Variants in SERINC3 observed in about 807,000 individuals in gnomAD.
SERINC3 encodes tumor differentially expressed protein 1.
In SERINC3, 22 loss-of-function variants were observed where a neutral mutation model predicts 52.1. The observed-to-expected ratio is 0.42, with a 90% confidence interval of 0.30 to 0.60. The LOEUF is 0.60. SERINC3 is among the 20% of genes least tolerant of loss of function. The probability of loss-of-function intolerance (pLI) is 0.16; values close to 1 mark genes in which losing one functional copy is unlikely to be tolerated. For synonymous variants in SERINC3, 226 were observed against 212.7 expected (o/e 1.06, Z -0.54); for missense variants, 564 against 584.6 (o/e 0.96, Z 0.36).
downstream of SERINC3, among the ~76,000 whole-genome samples, chr20:44,496,727 G>A (rs2064251354): frequency 6.6e-6 from 1 of 152,264 alleles, no homozygotes; most frequent in Non-Finnish European, 1.5e-5. Context: ...ATGGGAGGTG[G>A]AGGTTGCAGT....
chr20:44,521,390 G>A (rs2064415365), intron 1 of SERINC3, among the ~76,000 whole-genome samples: 2 of 152,158 alleles, frequency 1.3e-5, no homozygotes, highest in South Asian at 4.1e-4. Flanking sequence ...AAAATATTCA[G>A]GCCCTGGTTT....
At chr20:44,502,906 A>C (rs1436976255) in intron 8 of SERINC3, among the ~76,000 whole-genome samples, 1 of 152,204 alleles carries the variant, frequency 6.6e-6, no homozygotes, top group Non-Finnish European at 1.5e-5. Context: ...CACCAATCAT[A>C]TCTCTATACA....
chr20:44,517,323 C>T (rs1397871398), intron 1 of SERINC3, among the ~76,000 whole-genome samples: 1 of 151,256 alleles, frequency 6.6e-6, no homozygotes, highest in Non-Finnish European at 1.5e-5. Flanking sequence ...ATAGGCCAAA[C>T]ACTGCAGAGG....
chr20:44,499,132 C>T lies in SERINC3; in HGVS notation c.*1164G>A, dbSNP rs543599205. 4 of 152,466 alleles carry T rather than the reference C, an allele frequency of 2.6e-5. No homozygotes were observed. Among genetic ancestry groups the T allele is most frequent in the South Asian group, 2.1e-4 (1 of 4,824 alleles). The allele number at this position is 152,466 out of a possible 1,614,324, so 9.4% of individuals were successfully genotyped here. On this transcript the variant is annotated 3_prime_UTR_variant, in exon 10 of 10. Transcript: ENST00000342374. ...TTCTCTAAGCTATTAAAGTCCAAGACGGCAGAGCCTCTATCATGTTTAACA... is the reference window on the plus strand; with the variant it reads ...TTCTCTAAGCTATTAAAGTCCAAGATGGCAGAGCCTCTATCATGTTTAACA...
At chr20:44,519,431 T>TA in intron 1 of SERINC3, 8 of 971,778 alleles carry the variant, frequency 8.2e-6, no homozygotes, top group Non-Finnish European at 8.6e-6. Flanking sequence ...TGATAGAAGA[T>TA]AAAAGAAAAA....
At position 44,500,221 on chromosome 20, in the gene SERINC3, A is replaced by G; in HGVS notation, c.*75T>C. Reference sequence around the variant, plus strand: ...ATTCACTTAATATTTTAGTTGAAACAAACTTAAAAGGTATATGGGTTTTCG... The same window carrying G: ...ATTCACTTAATATTTTAGTTGAAACGAACTTAAAAGGTATATGGGTTTTCG... On this transcript the variant is annotated 3_prime_UTR_variant, in exon 10 of 10. Transcript: ENST00000342374. The G allele has an allele frequency of 1.4e-6, 2 of 1,466,876 alleles. No homozygotes were observed. The highest frequency in any genetic ancestry group is 1.8e-6 in the Non-Finnish European group (2 of 1,088,584). The allele number at this position is 1,466,876 out of a possible 1,614,324, so 90.9% of individuals were successfully genotyped here. A position where few individuals can be genotyped will look rare whatever the true frequency, so the allele number is the denominator to read the frequency against.
At position 44,499,642 on chromosome 20, in the gene SERINC3, G is replaced by A. The variant is rs558604161; in HGVS notation, c.*654C>T. 3 of 152,398 alleles carry A rather than the reference G, an allele frequency of 2.0e-5. No homozygotes were observed. The highest frequency in any genetic ancestry group is 4.4e-5 in the Non-Finnish European group (3 of 68,020). The allele number at this position is 152,398 out of a possible 1,614,324, so 9.4% of individuals were successfully genotyped here. ...TTAACCAAACTCACAAAGCATTTAT[G>A]GAAATTAATACATCTGGCAAAGCAC... On this transcript the variant is annotated 3_prime_UTR_variant, in exon 10 of 10. Coordinates refer to ENST00000342374, the MANE Select transcript of SERINC3 (RefSeq NM_006811.4).
chr20:44,507,382 A>G (rs1375660818), intron 5 of SERINC3, among the ~76,000 whole-genome samples: 3 of 152,350 alleles, frequency 2.0e-5, no homozygotes, highest in South Asian at 2.1e-4. Flanking sequence ...GCTCCATGCC[A>G]GGATGGTGTT....
At position 44,501,173 on chromosome 20, in the gene SERINC3, C is replaced by G. The variant is rs2064277481; in HGVS notation, c.1183G>C (p.Asp395His). ...EEDGQPRRAV[D>H]NEKEGVQYSY... ...TACTGCACTCCCTCTTTCTCGTTGT[C>G]CACAGCCCGCCGAGGCTGTCCATCT... Residue 395 changes from aspartate to histidine, a missense_variant, in exon 9 of 10, where the codon GAC becomes CAC. By Grantham distance (81) the Asp-to-His change is moderately conservative. Transcript: ENST00000342374. 6.2e-7 allele frequency: 1 copy of G among 1,614,016 alleles called. No homozygotes were observed. The highest frequency in any genetic ancestry group is 1.7e-5 in the Admixed American group (1 of 59,998).
intron 5 of SERINC3, among the ~76,000 whole-genome samples, chr20:44,508,483 T>TC (rs2064328427): frequency 6.7e-6 from 1 of 150,364 alleles, no homozygotes; most frequent in South Asian, 2.1e-4. Context: ...GGTGAGAGAG[T>TC]GAGACCCAAT....
chr20:44,510,826 T>C (rs1426972655), intron 4 of SERINC3, among the ~76,000 whole-genome samples: 2 of 151,972 alleles, frequency 1.3e-5, no homozygotes, highest in African/African-American at 4.8e-5. Flanking sequence ...TATATATATA[T>C]AGTGAGTTGC....
At chr20:44,505,388 C>A (rs768299686) in intron 6 of SERINC3, among the ~76,000 whole-genome samples, 5 of 151,944 alleles carry the variant, frequency 3.3e-5, no homozygotes, top group Admixed American at 3.3e-4. Context: ...TGCAGTGGTG[C>A]GATCTCAGCT....
Position 44,512,894 on chromosome 20 carries a change from A to G in SERINC3, c.302T>C (p.Ile101Thr), listed in dbSNP as rs1242843798. 1 of 1,576,782 alleles carries G rather than the reference A, an allele frequency of 6.3e-7. No homozygotes were observed. The highest frequency in any genetic ancestry group is 2.0e-5 in the Admixed American group (1 of 50,398). ...GAAAAAGATGGCCATGGCAAAGCTGATCCGATACACAGCTTTATAACCAAC... is the reference window on the plus strand; with the variant it reads ...GAAAAAGATGGCCATGGCAAAGCTGGTCCGATACACAGCTTTATAACCAAC... Reference protein sequence around the residue: ...VLVGYKAVYRISFAMAIFFFV... With the variant: ...VLVGYKAVYRTSFAMAIFFFV... Residue 101 changes from isoleucine to threonine, a missense_variant, in exon 3 of 10, where the codon ATC becomes ACC. Physicochemically the swap from Ile to Thr is moderately conservative, Grantham distance 89 (BLOSUM62 -1). Coordinates refer to ENST00000342374, the MANE Select transcript of SERINC3 (RefSeq NM_006811.4).
chr20:44,500,239 G>C lies in SERINC3; in HGVS notation c.*57C>G, dbSNP rs761477858. On this transcript the variant is annotated 3_prime_UTR_variant, in exon 10 of 10. Coordinates refer to ENST00000342374, the MANE Select transcript of SERINC3 (RefSeq NM_006811.4). ...TTGAAACAAACTTAAAAGGTATATG[G>C]GTTTTCGGTGAAGGAGACCTTTGTG... is the stretch of plus-strand genomic sequence containing the variant. 1.0e-5 allele frequency: 16 copies of C among 1,561,596 alleles called. No homozygotes were observed. The highest frequency in any genetic ancestry group is 1.4e-5 in the Non-Finnish European group (16 of 1,148,758).
intron 5 of SERINC3, among the ~76,000 whole-genome samples, chr20:44,508,696 C>A (rs6093990): frequency 6.6e-6 from 1 of 152,122 alleles, no homozygotes; most frequent in Admixed American, 6.6e-5. Flanking sequence ...TAAGACATAC[C>A]TACACTCACT....
At chr20:44,520,580 C>CAAT in intron 1 of SERINC3, among the ~76,000 whole-genome samples, 1 of 152,020 alleles carries the variant, frequency 6.6e-6, no homozygotes, top group East Asian at 1.9e-4. Context: ...AAGATGGCAA[C>CAAT]AATAAACACT....
chr20:44,521,636 A>G (rs2064417135), intron 1 of SERINC3, among the ~76,000 whole-genome samples: 1 of 152,244 alleles, frequency 6.6e-6, no homozygotes, highest in African/African-American at 2.4e-5. Context: ...CTCCAGCTCC[A>G]GAGGAACCTA....
At chr20:44,501,336 G>A (rs755401561) in intron 8 of SERINC3, 36 bp from the exon 9 acceptor site, 1 of 1,566,916 alleles carries the variant, frequency 6.4e-7, no homozygotes, top group Non-Finnish European at 8.8e-7. Flanking sequence ...AATCAGAAAG[G>A]GGCCATGACA....
chr20:44,517,880 G>C (rs1482398339), intron 1 of SERINC3, among the ~76,000 whole-genome samples: 1 of 152,188 alleles, frequency 6.6e-6, no homozygotes, highest in East Asian at 1.9e-4. Flanking sequence ...AATATCTGTG[G>C]GACAAATCTG....
Sources: gnomAD v4.1 joint callset for allele counts (sites outside exome capture counted in the v4.1 genomes callset) on GRCh38, gnomAD v4.1.1 for gene constraint, MANE v1.5 for transcripts, NCBI Gene and HGNC (gene_info 2026-07-23, HGNC 2026-07-21) for gene names.